TTN: variants seen among roughly 807,000 people sequenced by gnomAD.
TTN encodes connectin.
A neutral mutation model predicts 3,223.0 loss-of-function variants in TTN; 1,525 were observed. The observed-to-expected ratio is 0.47, with a 90% CI of 0.45 to 0.49. The LOEUF (loss-of-function observed/expected upper bound fraction) is 0.49. Among genes scored for constraint, TTN ranks in the 20% least tolerant of loss-of-function variants. TTN has a pLI of 0.00. For synonymous variants in TTN, 14,094 were observed against 15,161.0 expected, an observed-to-expected ratio of 0.93 and a Z score of 5.17; for missense variants, 40,786 against 43,424.0, an observed-to-expected ratio of 0.94 and a Z score of 5.40.
rs1250189831 is a variant in TTN, at chr2:178,563,050, G to A, written c.83082C>T (p.Arg27694=). ...GTCGACCTTTGATAGTGACAAATAAGCGTAAAGTAGCACTTGCACGCAGAA... is the reference window on the plus strand; with the variant it reads ...GTCGACCTTTGATAGTGACAAATAAACGTAAAGTAGCACTTGCACGCAGAA... ...VVVLRASATL[R]LFVTIKGRPE... is the part of the protein sequence containing the mutation. Residue 27694 remains arginine (R), a synonymous_variant, in exon 326 of 363, where the codon CGC becomes CGT. Transcript: ENST00000589042. This position sits in a 1 kb window ranked among gnomAD's most constrained non-coding sequence, Gnocchi z 4.5. The A allele has an allele frequency of 1.9e-6, 3 of 1,613,488 alleles. No homozygotes were observed. The highest frequency in any genetic ancestry group is 2.7e-5 in the African/African-American group (2 of 74,864).
chr2:178,641,436 CT>C (rs1386153805), intron 219 of TTN, 121 bp from the exon 220 acceptor site: 15 of 577,358 alleles, frequency 2.6e-5, no homozygotes, highest in Admixed American at 3.8e-5. Flanking sequence ...CTACCTAGCA[CT>C]CTGGAAAGTA....
rs74219417 is a variant in TTN, at chr2:178,663,792, C to G, written c.36448+27G>C. ...ATCTTCAAGAGCAAAAGAATGAGAT[C>G]TGAAGCCTAAGGTCAGTGGCAACTA... is the stretch of plus-strand genomic sequence containing the variant. On this transcript the variant is annotated intron_variant, in intron 170 of 362. Coordinates refer to ENST00000589042, the MANE Select transcript of TTN (RefSeq NM_001267550.2). 1.1e-3 allele frequency: 1,730 copies of G among 1,613,160 alleles called. 30 individuals carry two copies. The East Asian group carries it at 0.034, about 32-fold the overall frequency.
rs561976767 is a variant in TTN at position 178,799,478 on chromosome 2, C to A, written c.914+9G>T. Reference sequence around the variant, plus strand: ...GTGCAATAATCTGCTCTCTCTATGGCAGCTTTACCTGACCGGAGATGGGGT... The same window carrying A: ...GTGCAATAATCTGCTCTCTCTATGGAAGCTTTACCTGACCGGAGATGGGGT... On this transcript the variant is annotated intron_variant, in intron 6 of 362. Transcript: ENST00000589042. The A allele has an allele frequency of 9.9e-6, 16 of 1,614,126 alleles. No homozygotes were observed. In the African/African-American group the frequency reaches 1.3e-4, roughly 13 times the overall value.
Position 178,568,068 on chromosome 2 carries a change from C to T in TTN, c.78064G>A (p.Val26022Ile), listed in dbSNP as rs374764110. The T allele has an allele frequency of 5.5e-5, 88 of 1,613,328 alleles. No homozygotes were observed. The highest frequency in any genetic ancestry group is 5.2e-4 in the African/African-American group (39 of 74,986). The change falls in exon 326 of 363, where the codon GTC (valine) becomes ATC (isoleucine). Residue 26022 changes from valine to isoleucine, a missense_variant. Transcript: ENST00000589042. ...TTTCTCTCCAGGTGGTAACCTATGA[C>T]GGGGCTTCCACCATTGTTGACTGGT... The part of the protein sequence containing the change: ...HEPVNNGGSP[V>I]IGYHLERKER...
chr2:178,542,658 T>C lies in TTN; in HGVS notation c.97192+4A>G, dbSNP rs370069759. ...TTGCTTGTATCTTTGTCACACATCC[T>C]TACCAAGAATGATAACTTTAATGGT... is the stretch of plus-strand genomic sequence containing the variant. On this transcript the variant is annotated splice_donor_region_variant and intron_variant, in intron 348 of 362. Coordinates refer to ENST00000589042, the MANE Select transcript of TTN (RefSeq NM_001267550.2). 1.2e-6 allele frequency: 2 copies of C among 1,609,906 alleles called. No individual in the cohort carries two copies. The highest frequency in any genetic ancestry group is 2.7e-5 in the African/African-American group (2 of 74,854).
In TTN at chr2:178,574,524, C is replaced by A; in HGVS notation, c.71608G>T (p.Gly23870Cys). The stretch of plus-strand genomic sequence containing the variant: ...TTGCTCACAGTCTGCCAGAGAATAC[C>A]ATTTCGTTCTTTTCTTTCAACATGA... ...GYHVERKERN[G>C]ILWQTVSKAL... The change falls in exon 326 of 363, where the codon GGT becomes TGT. Residue 23870 changes from glycine to cysteine, a missense_variant. Transcript: ENST00000589042. 1 of 1,613,526 alleles carries A rather than the reference C, an allele frequency of 6.2e-7. No homozygotes were observed. Among genetic ancestry groups the A allele is most frequent in the Non-Finnish European group, 8.5e-7 (1 of 1,179,616 alleles).
rs150366692 is a variant in TTN, at chr2:178,769,293, G to A, written c.8903-360C>T. Among the ~76,000 whole-genome samples the A allele has an allele frequency of 1.2e-3, 181 of 150,630 alleles. 1 individual carries two copies. The highest frequency in any genetic ancestry group is 4.1e-3 in the African/African-American group (168 of 40,970). ...TTTTGAGGCAGGTTCTCACTTTGTC[G>A]CCCAGGCTGCAGTGCAGTGCCGTGA... On this transcript the variant is annotated intron_variant, in intron 37 of 362. Coordinates refer to ENST00000589042, the MANE Select transcript of TTN (RefSeq NM_001267550.2).
Position 178,735,711 on chromosome 2 carries a change from T to G in TTN, c.14735A>C (p.Asp4912Ala). 2 of 1,613,814 alleles carry G rather than the reference T, an allele frequency of 1.2e-6. No individual in the cohort carries two copies. Among genetic ancestry groups the G allele is most frequent in the Non-Finnish European group, 1.7e-6 (2 of 1,179,798 alleles). ...CGTAACTGTGACTTTTCTGTCTTCA[T>G]CTACTTGGCACTCAAGGTGGACCTT... ...NKKVHLECQV[D>A]EDRKVTVTWS... The change falls in exon 50 of 363, where the codon GAT becomes GCT. Residue 4912 changes from aspartate (D) to alanine (A), a missense_variant. Physicochemically the swap from Asp to Ala is moderately radical, Grantham distance 126. Coordinates refer to ENST00000589042, the MANE Select transcript of TTN (RefSeq NM_001267550.2).
intron 149 of TTN, chr2:178,675,340 T>C: frequency 2.6e-6 from 1 of 389,856 alleles, no homozygotes; most frequent in Non-Finnish European, 4.4e-6. Flanking sequence ...CTGGAGCCTC[T>C]ATTTCTTTTT....
chr2:178,722,950 G>A lies in TTN; in HGVS notation c.21962-13C>T. 1 of 1,603,106 alleles carries A rather than the reference G, an allele frequency of 6.2e-7. No homozygotes were observed. The highest frequency in any genetic ancestry group is 8.5e-7 in the Non-Finnish European group (1 of 1,175,242). ...AAATAAGGCGGTTCTAAGGAAGAAA[G>A]GCTCACAGTTAGCAACTGGAATTAA... On this transcript the variant is annotated splice_polypyrimidine_tract_variant and intron_variant, in intron 75 of 362. Transcript: ENST00000589042.
chr2:178,555,026 T>C lies in TTN; in HGVS notation c.88433A>G (p.Asp29478Gly). Residue 29478 changes from aspartate to glycine, a missense_variant, in exon 331 of 363, where the codon GAT (aspartate) becomes GGT (glycine). Transcript: ENST00000589042. The part of the protein sequence containing the change: ...PAPTIEWYKD[D>G]KELQTNALVC... ...CAGTGCATTGGTTTGTAATTCTTTA[T>C]CATCTTTATACCACTCAATAGTAGG... 2 of 1,613,774 alleles carry C rather than the reference T, an allele frequency of 1.2e-6. No individual in the cohort carries two copies. Among genetic ancestry groups the C allele is most frequent in the Non-Finnish European group, 1.7e-6 (2 of 1,179,828 alleles).
chr2:178,747,389 T>C lies in TTN; in HGVS notation c.11312-5468A>G, dbSNP rs755538139. 4.4e-5 allele frequency: 71 copies of C among 1,613,234 alleles called. No individual in the cohort carries two copies. Among genetic ancestry groups the C allele is most frequent in the Non-Finnish European group, 5.8e-5 (69 of 1,179,602 alleles). On this transcript the variant is annotated intron_variant, in intron 47 of 362. Transcript: ENST00000589042. The stretch of plus-strand genomic sequence containing the variant: ...TATATCTGAAGGATTAAAATATAAG[T>C]CAGGGGACTTTGGAGATTCAAAATA...
intron 47 of TTN, chr2:178,742,965 A>G (rs1174550443): frequency 6.6e-6 from 1 of 152,070 alleles, no homozygotes; most frequent in African/African-American, 2.4e-5. Context: ...CAGAATACAT[A>G]TTCAGGTATT....
chr2:178,695,001 C>T (rs887905113), intron 115 of TTN, 95 bp from the exon 116 acceptor site: 3 of 890,582 alleles, frequency 3.4e-6, no homozygotes, highest in Non-Finnish European at 5.1e-6. Flanking sequence ...TGTGTTTATA[C>T]ACACCTATAA....
chr2:178,724,669 G>T, intron 71 of TTN, 131 bp from the exon 72 acceptor site: 1 of 874,216 alleles, frequency 1.1e-6, no homozygotes. Context: ...ACTTTAAAGT[G>T]TGATTCCATA....
chr2:178,769,129 T>A (rs1481528248), intron 37 of TTN, among the ~76,000 whole-genome samples, 196 bp from the exon 38 acceptor site: 13 of 151,980 alleles, frequency 8.6e-5, no homozygotes. Context: ...AAAGATCAAG[T>A]GATAGACACT....
At position 178,694,635 on chromosome 2, in the gene TTN, G is replaced by A. The variant is rs374555701; in HGVS notation, c.31390C>T (p.Arg10464Trp). Reference protein sequence around the residue: ...SKKIVPQKPSRTPVQEEVIEV... With the variant: ...SKKIVPQKPSWTPVQEEVIEV... ...ATAACTTCTTCCTGTACTGGAGTCC[G>A]GGAAGGTTTTTGTGGAACAATCTTC... The change falls in exon 117 of 363, where the codon CGG (arginine) becomes TGG (tryptophan). Residue 10464 changes from arginine to tryptophan, a missense_variant. By Grantham distance (101) the Arg-to-Trp change is moderately radical. Coordinates refer to ENST00000589042, the MANE Select transcript of TTN (RefSeq NM_001267550.2). The A allele has an allele frequency of 2.6e-5, 41 of 1,559,972 alleles. No homozygotes were observed. The Middle Eastern group carries it at 1.0e-3, about 38-fold the overall frequency.
In TTN at chr2:178,545,892, C is replaced by T. The variant is rs377076423; in HGVS notation, c.95344G>A (p.Val31782Met). Reference sequence around the variant, plus strand: ...GGGCCATATTTGTTTACTGCCCTCACTCGGAATATGTACTCATTGTTCTTG... The same window carrying T: ...GGGCCATATTTGTTTACTGCCCTCATTCGGAATATGTACTCATTGTTCTTG... ...LIKNNEYIFR[V>M]RAVNKYGPGV... Residue 31782 changes from valine to methionine, a missense_variant, in exon 343 of 363, where the codon GTG (valine) becomes ATG (methionine). By Grantham distance (21) the Val-to-Met change is conservative (BLOSUM62 1). Transcript: ENST00000589042. The T allele has an allele frequency of 3.1e-6, 5 of 1,613,770 alleles. No homozygotes were observed. The African/African-American group carries it at 6.7e-5, about 22-fold the overall frequency.
Position 178,776,979 on chromosome 2 carries a change from T to C in TTN, c.4885A>G (p.Thr1629Ala). The C allele has an allele frequency of 6.2e-7, 1 of 1,614,046 alleles. No individual in the cohort carries two copies. ...STVSQDSAWY[T>A]ATAINKAGRD... ...CCAGCTTTATTAATAGCAGTCGCAG[T>C]ATACCAGGCAGAATCTTGGCTGACA... Residue 1629 changes from threonine to alanine, a missense_variant, in exon 28 of 363, where the codon ACT becomes GCT. Coordinates refer to ENST00000589042, the MANE Select transcript of TTN (RefSeq NM_001267550.2).
Sources: allele counts gnomAD v4.1 joint callset (sites outside exome capture counted in the v4.1 genomes callset), GRCh38; gene constraint gnomAD v4.1.1; non-coding constraint Gnocchi (gnomAD v3.1); transcripts MANE v1.5; gene names NCBI Gene and HGNC (gene_info 2026-07-23, HGNC 2026-07-21).